Variants in MARCHF1 observed in about 807,000 individuals in gnomAD.
MARCHF1 encodes the protein E3 ubiquitin-protein ligase MARCHF1.
Under a neutral mutation model 54.2 loss-of-function variants are expected in MARCHF1, and 40 were observed. The ratio of observed to expected loss-of-function variants is 0.74; its 90% CI spans 0.57 to 0.96. The LOEUF is 0.96. MARCHF1 is among the 40% of genes least tolerant of loss of function. The pLI, the probability that MARCHF1 is intolerant of heterozygous loss-of-function variation, is 0.00. For synonymous variants in MARCHF1, 236 were observed against 236.3 expected (o/e 1.00, Z 0.01); for missense variants, 586 against 656.5 (o/e 0.89, Z 1.17).
intron 5 of MARCHF1, among the ~76,000 whole-genome samples, chr4:163,668,300 G>A (rs1025553922): frequency 1.3e-5 from 2 of 152,178 alleles, no homozygotes; most frequent in Non-Finnish European, 2.9e-5. Context: ...GTGAGGCAGA[G>A]AGCTAAGTGC....
At chr4:164,118,010 A>G (rs1459921998) in intron 1 of MARCHF1, among the ~76,000 whole-genome samples, 1 of 152,102 alleles carries the variant, frequency 6.6e-6, no homozygotes, top group Non-Finnish European at 1.5e-5. Flanking sequence ...AATACAGATA[A>G]CATCAATTAG....
intron 1 of MARCHF1, among the ~76,000 whole-genome samples, chr4:164,339,541 A>G (rs983133036): frequency 1.3e-5 from 2 of 152,202 alleles, no homozygotes; most frequent in African/African-American, 4.8e-5. Flanking sequence ...TTAAAACAAC[A>G]TATCAAAACT....
In MARCHF1 at chr4:164,235,712, C is replaced by G. The variant is rs191860301; in HGVS notation, c.-322-124050G>C. 4.9e-3 allele frequency among the ~76,000 whole-genome samples: 750 copies of G among 151,522 alleles called. 7 individuals carry two copies. Among genetic ancestry groups the G allele is most frequent in the African/African-American group, 0.017 (714 of 41,232 alleles). On this transcript the variant is annotated intron_variant, in intron 1 of 9. Transcript: ENST00000514618. Reference sequence around the variant, plus strand: ...GTATGCAAAGGCATACAGAGTGATACAGTGGACTTTAGAGACTCAGAAGGG... The same window carrying G: ...GTATGCAAAGGCATACAGAGTGATAGAGTGGACTTTAGAGACTCAGAAGGG...
chr4:163,591,132 C>A (rs1740579392), intron 7 of MARCHF1, among the ~76,000 whole-genome samples: 1 of 151,242 alleles, frequency 6.6e-6, no homozygotes, highest in Admixed American at 6.6e-5. Context: ...AGTCTATGAC[C>A]ACTATTGTCC....
chr4:163,783,629 T>C (rs1457843909), intron 4 of MARCHF1, among the ~76,000 whole-genome samples: 2 of 152,226 alleles, frequency 1.3e-5, no homozygotes, highest in African/African-American at 4.8e-5. Context: ...AAGAATCTTA[T>C]TGCAGAAAAA....
rs147950229 is a variant in MARCHF1 at position 164,064,359 on chromosome 4, C to T, written c.-248+47229G>A. ...TCTTTGGGCAGTGGTTTATAGTCCT[C>T]CTTGTAGAGATCCTTCACCTGTATT... On this transcript the variant is annotated intron_variant, in intron 2 of 9. Transcript: ENST00000514618. Among the ~76,000 whole-genome samples the T allele has an allele frequency of 4.2e-4, 64 of 152,212 alleles. 1 individual carries two copies. In the East Asian group the frequency reaches 0.012, roughly 28 times the overall value.
intron 2 of MARCHF1, among the ~76,000 whole-genome samples, chr4:163,994,996 A>C (rs910051104): frequency 6.6e-6 from 1 of 152,082 alleles, no homozygotes; most frequent in African/African-American, 2.4e-5. Context: ...CATACCAAAC[A>C]AACAAGCAAT....
At chr4:163,753,305 A>T (rs1298502946) in intron 4 of MARCHF1, among the ~76,000 whole-genome samples, 1 of 152,102 alleles carries the variant, frequency 6.6e-6, no homozygotes, top group Non-Finnish European at 1.5e-5. Context: ...TATTTTATGA[A>T]AAAAGACTAC....
chr4:163,809,076 C>T (rs894667369), intron 4 of MARCHF1, among the ~76,000 whole-genome samples: 9 of 152,026 alleles, frequency 5.9e-5, no homozygotes, highest in South Asian at 2.1e-4. Context: ...AATTGATTCC[C>T]GGCTTTCATT....
chr4:163,949,246 A>C (rs1343750366), intron 3 of MARCHF1, among the ~76,000 whole-genome samples: 1 of 152,204 alleles, frequency 6.6e-6, no homozygotes, highest in East Asian at 1.9e-4. Context: ...AAGTGCCTGC[A>C]CAGGTGCCAG....
At chr4:164,226,902 T>C (rs959401803) in intron 1 of MARCHF1, among the ~76,000 whole-genome samples, 2 of 152,100 alleles carry the variant, frequency 1.3e-5, no homozygotes, top group Admixed American at 1.3e-4. Flanking sequence ...GCAGGTTTTA[T>C]TGCAATACCA....
At chr4:164,040,683 C>T (rs1754110351) in intron 2 of MARCHF1, among the ~76,000 whole-genome samples, 1 of 151,710 alleles carries the variant, frequency 6.6e-6, no homozygotes, top group Non-Finnish European at 1.5e-5. Flanking sequence ...ATATACATGG[C>T]AATGTTTTCC....
At chr4:164,306,742 CT>C (rs1251893683) in intron 1 of MARCHF1, among the ~76,000 whole-genome samples, 3 of 152,054 alleles carry the variant, frequency 2.0e-5, no homozygotes, top group Non-Finnish European at 4.4e-5. Context: ...AAAACTGGCT[CT>C]TTTGTGTTTA....
intron 8 of MARCHF1, among the ~76,000 whole-genome samples, chr4:163,553,357 G>C (rs1031997611): frequency 6.7e-4 from 102 of 152,320 alleles, no homozygotes; most frequent in African/African-American, 1.1e-3. Flanking sequence ...TAACATCTCT[G>C]AGGAATGAAG....
At chr4:164,196,077 T>C (rs1731247376) in intron 1 of MARCHF1, among the ~76,000 whole-genome samples, 1 of 152,198 alleles carries the variant, frequency 6.6e-6, no homozygotes, top group Non-Finnish European at 1.5e-5. Context: ...ATTTAATTAC[T>C]AGTCTTCATT....
chr4:164,076,492 C>A (rs1271149638), intron 2 of MARCHF1, among the ~76,000 whole-genome samples: 1 of 152,138 alleles, frequency 6.6e-6, no homozygotes, highest in East Asian at 1.9e-4. Context: ...GACAAGGATG[C>A]CCTCTCTCAC....
At chr4:164,141,588 C>G (rs1346975359) in intron 1 of MARCHF1, among the ~76,000 whole-genome samples, 2 of 152,316 alleles carry the variant, frequency 1.3e-5, no homozygotes, top group South Asian at 2.1e-4. Context: ...GACATTCACC[C>G]CTACAAGTCG....
chr4:163,878,079 A>G (rs1357295682), intron 3 of MARCHF1, among the ~76,000 whole-genome samples: 2 of 152,194 alleles, frequency 1.3e-5, no homozygotes, highest in African/African-American at 4.8e-5. Flanking sequence ...TTGTCAGGAA[A>G]CAAGAAGCCC....
chr4:163,959,152 C>A (rs180864611), intron 3 of MARCHF1, among the ~76,000 whole-genome samples: 4 of 152,032 alleles, frequency 2.6e-5, no homozygotes, highest in Admixed American at 2.0e-4. Context: ...GAACTGTACA[C>A]AAATACCTGA....
Sources: allele counts gnomAD v4.1 joint callset (sites outside exome capture counted in the v4.1 genomes callset), GRCh38; gene constraint gnomAD v4.1.1; transcripts MANE v1.5; gene names NCBI Gene and HGNC (gene_info 2026-07-23, HGNC 2026-07-21).